Variants in FRMD5 observed in about 807,000 individuals in gnomAD.
FRMD5 encodes the protein FERM domain containing 5.
In FRMD5, 20 loss-of-function variants were observed where a neutral mutation model predicts 69.0. The ratio of observed to expected loss-of-function variants is 0.29; its 90% confidence interval spans 0.20 to 0.42. The LOEUF (loss-of-function observed/expected upper bound fraction) is 0.42. Among genes scored for constraint, FRMD5 ranks in the 10% least tolerant of loss-of-function variants. FRMD5 has a pLI of 1.00. For synonymous variants in FRMD5, 271 were observed against 260.1 expected (o/e 1.04, Z -0.40); for missense variants, 595 against 708.6 (o/e 0.84, Z 1.82).
At chr15:44,168,223 T>C (rs1217679014) in intron 1 of FRMD5, among the ~76,000 whole-genome samples, 2 of 152,338 alleles carry the variant, frequency 1.3e-5, no homozygotes, top group Admixed American at 6.5e-5. Flanking sequence ...GCATAGTTTA[T>C]GTGGCTGTTT....
chr15:44,070,649 CAATA>C (rs1307584282), intron 1 of FRMD5, among the ~76,000 whole-genome samples: 1 of 152,092 alleles, frequency 6.6e-6, no homozygotes, highest in Non-Finnish European at 1.5e-5. Context: ...TCCATAAGCT[CAATA>C]AATGTTTGCT....
At chr15:43,957,604 C>T (rs781487305) in intron 1 of FRMD5, among the ~76,000 whole-genome samples, 10 of 152,224 alleles carry the variant, frequency 6.6e-5, no homozygotes, top group Non-Finnish European at 1.3e-4. Flanking sequence ...CTGTATTAGC[C>T]TCTCAGAAGG....
At chr15:43,929,479 A>G (rs772444000) in intron 1 of FRMD5, among the ~76,000 whole-genome samples, 3 of 152,194 alleles carry the variant, frequency 2.0e-5, no homozygotes, top group Non-Finnish European at 2.9e-5. Context: ...GTGCAAACGA[A>G]GTAGAGTCTA....
At chr15:44,187,817 C>T (rs763937404) in intron 1 of FRMD5, among the ~76,000 whole-genome samples, 6 of 152,142 alleles carry the variant, frequency 3.9e-5, no homozygotes, top group Non-Finnish European at 8.8e-5. Flanking sequence ...GATCCTCCTG[C>T]CTTGGTCCCC....
At chr15:43,896,982 A>T (rs2088924981) in intron 7 of FRMD5, among the ~76,000 whole-genome samples, 1 of 152,142 alleles carries the variant, frequency 6.6e-6, no homozygotes, top group Non-Finnish European at 1.5e-5. Flanking sequence ...GGAAATGAAG[A>T]GGAGAAGGAG....
chr15:43,906,901 G>A (rs993689201), intron 5 of FRMD5, among the ~76,000 whole-genome samples: 13 of 152,212 alleles, frequency 8.5e-5, no homozygotes, highest in African/African-American at 2.9e-4. Context: ...GCACCCGGCC[G>A]AGAAGCATCA....
At chr15:43,889,658 G>A (rs2088748927) in intron 8 of FRMD5, among the ~76,000 whole-genome samples, 1 of 152,152 alleles carries the variant, frequency 6.6e-6, no homozygotes, top group South Asian at 2.1e-4. Flanking sequence ...CTCAGCCTTG[G>A]TTACATTTGC....
chr15:43,901,477 A>G (rs3850777), intron 7 of FRMD5, among the ~76,000 whole-genome samples: 12,791 of 152,142 alleles, frequency 0.084, 709 homozygotes, highest in East Asian at 0.16. Context: ...CCTCTCCAGT[A>G]ATGGAAAGAG....
At chr15:44,014,572 AC>A (rs1338946306) in intron 1 of FRMD5, among the ~76,000 whole-genome samples, 1 of 152,100 alleles carries the variant, frequency 6.6e-6, no homozygotes, top group African/African-American at 2.4e-5. Context: ...TCCCATCTCT[AC>A]TAAAAATACA....
chr15:43,975,031 G>A (rs952156057), intron 1 of FRMD5, among the ~76,000 whole-genome samples: 2 of 152,212 alleles, frequency 1.3e-5, no homozygotes, highest in Admixed American at 6.5e-5. Context: ...CTCTTCTAAT[G>A]TGCTCAGCTG....
chr15:43,990,361 C>A (rs1327963006), intron 1 of FRMD5, among the ~76,000 whole-genome samples: 1 of 152,180 alleles, frequency 6.6e-6, no homozygotes, highest in Non-Finnish European at 1.5e-5. Flanking sequence ...GGAATCAAAC[C>A]TGCAATATCT....
At chr15:43,994,803 A>G (rs1013580025) in intron 1 of FRMD5, among the ~76,000 whole-genome samples, 4 of 152,212 alleles carry the variant, frequency 2.6e-5, no homozygotes, top group African/African-American at 7.2e-5. Context: ...CGCCATTACA[A>G]TATTATTCTG....
intron 1 of FRMD5, among the ~76,000 whole-genome samples, chr15:44,147,479 A>C (rs1173828495): frequency 1.3e-5 from 2 of 152,082 alleles, no homozygotes; most frequent in Non-Finnish European, 2.9e-5. Flanking sequence ...TTTCATATGA[A>C]TTTTAAAGTA....
chr15:44,134,641 G>A (rs918540685), intron 1 of FRMD5, among the ~76,000 whole-genome samples: 7 of 152,108 alleles, frequency 4.6e-5, no homozygotes, highest in Non-Finnish European at 4.4e-5. Context: ...GTAGAGACAG[G>A]GTTTCACCAT....
intron 1 of FRMD5, among the ~76,000 whole-genome samples, chr15:44,109,303 A>G (rs1027585033): frequency 3.3e-5 from 5 of 152,184 alleles, no homozygotes; most frequent in Non-Finnish European, 7.4e-5. Context: ...ATATAACATA[A>G]AATTTACCAT....
At chr15:43,960,276 G>A (rs2090177137) in intron 1 of FRMD5, among the ~76,000 whole-genome samples, 1 of 151,582 alleles carries the variant, frequency 6.6e-6, no homozygotes, top group Non-Finnish European at 1.5e-5. Flanking sequence ...GTTTATTTAA[G>A]TCTCACTCTG....
chr15:43,884,321 T>C (rs1228241665), intron 12 of FRMD5, among the ~76,000 whole-genome samples: 1 of 152,166 alleles, frequency 6.6e-6, no homozygotes, highest in Non-Finnish European at 1.5e-5. Context: ...GGAAACACAA[T>C]TTGTGGATCT....
At chr15:44,008,018 T>C (rs1480207713) in intron 1 of FRMD5, among the ~76,000 whole-genome samples, 2 of 151,910 alleles carry the variant, frequency 1.3e-5, no homozygotes, top group Non-Finnish European at 2.9e-5. Context: ...CATGGCTCAC[T>C]GCAGCCTTAA....
At chr15:43,902,869 A>G (rs543930737) in intron 6 of FRMD5, among the ~76,000 whole-genome samples, 36 of 152,300 alleles carry the variant, frequency 2.4e-4, no homozygotes, top group Admixed American at 3.9e-4. Context: ...CTAGACTGAA[A>G]TATAAAGAAG....
Sources: gnomAD v4.1 joint callset for allele counts (sites outside exome capture counted in the v4.1 genomes callset) on GRCh38, gnomAD v4.1.1 for gene constraint, MANE v1.5 for transcripts, NCBI Gene and HGNC (gene_info 2026-07-23, HGNC 2026-07-21) for gene names.